Variants in FLT3 observed in about 807,000 individuals in gnomAD.
The protein encoded by FLT3 is fms related receptor tyrosine kinase 3, also known as receptor-type tyrosine-protein kinase FLT3.
A neutral mutation model predicts 126.6 loss-of-function variants in FLT3; 46 were observed. The ratio of observed to expected loss-of-function variants is 0.36; its 90% CI spans 0.29 to 0.46. The LOEUF is 0.46. Among genes scored for constraint, FLT3 ranks in the 20% least tolerant of loss-of-function variants. The pLI, the probability that FLT3 is intolerant of heterozygous loss-of-function variation, is 1.00. For synonymous variants in FLT3, 404 were observed against 434.4 expected, an observed-to-expected ratio of 0.93 and a Z score of 0.87; for missense variants, 1,069 against 1,190.3, an observed-to-expected ratio of 0.90 and a Z score of 1.50.
chr13:28,049,671 C>T lies in FLT3; in HGVS notation c.846G>A (p.Gly282=). Reference sequence around the variant, plus strand: ...CTTTGTTTTCTAATTCCCAGGTGAGCCCGAATCCATGGTTCACATGAACAG... The same window carrying T: ...CTTTGTTTTCTAATTCCCAGGTGAGTCCGAATCCATGGTTCACATGAACAG... The part of the protein sequence containing the change: ...CKAVHVNHGF[G]LTWELENKAL... Residue 282 remains glycine (G), a synonymous_variant, in exon 7 of 24, where the codon GGG becomes GGA. Coordinates refer to ENST00000241453, the MANE Select transcript of FLT3 (RefSeq NM_004119.3). 1 of 1,614,142 alleles carries T rather than the reference C, an allele frequency of 6.2e-7. No individual in the cohort carries two copies. Among genetic ancestry groups the T allele is most frequent in the Non-Finnish European group, 8.5e-7 (1 of 1,180,008 alleles).
At chr13:28,009,117 C>G (rs1355646012) in intron 23 of FLT3, among the ~76,000 whole-genome samples, 3 of 151,316 alleles carry the variant, frequency 2.0e-5, no homozygotes. Flanking sequence ...GCTAGAACTA[C>G]AAGCTTGCAC....
chr13:28,039,195 T>G (rs961130462), intron 9 of FLT3, among the ~76,000 whole-genome samples: 25 of 152,222 alleles, frequency 1.6e-4, no homozygotes, highest in Non-Finnish European at 2.8e-4. Flanking sequence ...AACAGTATTG[T>G]ATTTACTTAC....
chr13:28,017,039 T>C lies in FLT3; in HGVS notation c.2542-1338A>G, dbSNP rs547463659. On this transcript the variant is annotated intron_variant, in intron 20 of 23. Transcript: ENST00000241453. ...GTTAGCACAGACTCGGGGCTCAGAC[T>C]ATTCCTGTTCAAGTCCACATGCTGT... Among the ~76,000 whole-genome samples the C allele has an allele frequency of 4.6e-5, 7 of 152,306 alleles. No homozygotes were observed. The South Asian group carries it at 1.2e-3, about 27-fold the overall frequency.
intron 20 of FLT3, among the ~76,000 whole-genome samples, chr13:28,017,438 G>A (rs1369306175): frequency 6.6e-6 from 1 of 151,984 alleles, no homozygotes; most frequent in Admixed American, 6.6e-5. Flanking sequence ...TGTTCCATAG[G>A]CTGGTCTTGA....
chr13:28,047,155 A>G (rs1313853632), intron 9 of FLT3, among the ~76,000 whole-genome samples: 1 of 152,146 alleles, frequency 6.6e-6, no homozygotes, highest in Non-Finnish European at 1.5e-5. Context: ...CTGGAATGGG[A>G]GCCAGGAATC....
chr13:28,073,000 G>A (rs916071516), intron 1 of FLT3, among the ~76,000 whole-genome samples: 2 of 146,928 alleles, frequency 1.4e-5, no homozygotes, highest in Admixed American at 6.8e-5. Context: ...GCGAGACTCC[G>A]TCTCTAAAAA....
chr13:28,011,235 A>T (rs1273548085), intron 23 of FLT3, among the ~76,000 whole-genome samples: 1 of 149,834 alleles, frequency 6.7e-6, no homozygotes, highest in Non-Finnish European at 1.5e-5. Flanking sequence ...GCTTGAACCC[A>T]GGAGGCAGAG....
At chr13:28,063,534 C>T (rs1876754922) in intron 2 of FLT3, among the ~76,000 whole-genome samples, 1 of 152,180 alleles carries the variant, frequency 6.6e-6, no homozygotes, top group Admixed American at 6.5e-5. Context: ...GTTGGAGCAG[C>T]TTCTGCTGTG....
chr13:28,073,674 C>T (rs1380245338), intron 1 of FLT3, among the ~76,000 whole-genome samples: 1 of 152,102 alleles, frequency 6.6e-6, no homozygotes, highest in Non-Finnish European at 1.5e-5. Context: ...ATGCTCACAC[C>T]TGTAATCCCA....
At chr13:28,019,875 C>T (rs1253317997) in intron 19 of FLT3, among the ~76,000 whole-genome samples, 4 of 152,164 alleles carry the variant, frequency 2.6e-5, no homozygotes, top group Non-Finnish European at 5.9e-5. Flanking sequence ...GCTTTGTGCA[C>T]GAGCCTACTC....
At chr13:28,010,729 G>A (rs1186779843) in intron 23 of FLT3, among the ~76,000 whole-genome samples, 2 of 152,072 alleles carry the variant, frequency 1.3e-5, no homozygotes, top group Non-Finnish European at 2.9e-5. Context: ...GATTCTGGCC[G>A]GGCATGGTGG....
In FLT3 at chr13:28,004,056, G is replaced by A. The variant is rs968020606; in HGVS notation, c.2978C>T (p.Ser993Leu). 5.0e-6 allele frequency: 8 copies of A among 1,613,920 alleles called. No homozygotes were observed. Among genetic ancestry groups the A allele is most frequent in the African/African-American group, 4.0e-5 (3 of 74,874 alleles). Residue 993 changes from serine to leucine, a missense_variant, in exon 24 of 24, where the codon TCG becomes TTG. Physicochemically the swap from Ser to Leu is moderately radical, Grantham distance 145. Coordinates refer to ENST00000241453, the MANE Select transcript of FLT3 (RefSeq NM_004119.3). ...LLSPQAQVED[S>L] ...CCTTAAAACTAAATTGTTCCTCTAC[G>A]AATCTTCGACCTGAGCCTGCGGAGA...
chr13:28,009,792 G>C (rs1871208975), intron 23 of FLT3, among the ~76,000 whole-genome samples: 1 of 152,052 alleles, frequency 6.6e-6, no homozygotes, highest in African/African-American at 2.4e-5. Context: ...GAACTCCTGA[G>C]CTCAATCTAT....
At chr13:28,043,021 A>C (rs1428245172) in intron 9 of FLT3, among the ~76,000 whole-genome samples, 1 of 152,022 alleles carries the variant, frequency 6.6e-6, no homozygotes, top group African/African-American at 2.4e-5. Context: ...AACGACCACC[A>C]CACAGCTGTT....
At chr13:28,033,350 C>T (rs1357669223) in intron 15 of FLT3, among the ~76,000 whole-genome samples, 5 of 151,952 alleles carry the variant, frequency 3.3e-5, no homozygotes, top group Admixed American at 6.6e-5. Flanking sequence ...GCAACTGTAT[C>T]CCCAAATATC....
At chr13:28,054,520 G>C (rs58274312) in intron 4 of FLT3, among the ~76,000 whole-genome samples, 2 of 151,846 alleles carry the variant, frequency 1.3e-5, no homozygotes, top group Non-Finnish European at 2.9e-5. Flanking sequence ...CCAGGAGTTC[G>C]AGACCAGCCT....
intron 19 of FLT3, among the ~76,000 whole-genome samples, chr13:28,022,700 C>G (rs141749223): frequency 6.6e-6 from 1 of 151,922 alleles, no homozygotes; most frequent in East Asian, 1.9e-4. Flanking sequence ...GGCAAGCAAA[C>G]GAGGAAGGAA....
At chr13:28,031,536 T>C (rs1344902125) in intron 15 of FLT3, among the ~76,000 whole-genome samples, 4 of 152,114 alleles carry the variant, frequency 2.6e-5, no homozygotes, top group African/African-American at 7.2e-5. Flanking sequence ...AAAAATGTCA[T>C]GACAAAGGTG....
chr13:28,060,047 C>T (rs1175760190), intron 3 of FLT3, among the ~76,000 whole-genome samples: 25 of 150,456 alleles, frequency 1.7e-4, no homozygotes, highest in Admixed American at 1.7e-3. Flanking sequence ...GAAATGAAAA[C>T]TTTCTAAATT....
Sources: allele counts gnomAD v4.1 joint callset (sites outside exome capture counted in the v4.1 genomes callset), GRCh38; gene constraint gnomAD v4.1.1; transcripts MANE v1.5; gene names NCBI Gene and HGNC (gene_info 2026-07-23, HGNC 2026-07-21).